CUBN: variants seen among roughly 807,000 people sequenced by gnomAD.
The protein encoded by CUBN is 460 kDa receptor.
A neutral mutation model predicts 405.3 loss-of-function variants in CUBN; 282 were observed. That is an observed-to-expected ratio of 0.70 (90% CI 0.63 to 0.77). CUBN has a LOEUF of 0.77. Ranked by LOEUF, CUBN falls within the 30% of genes least tolerant of loss-of-function variation. The pLI, the probability that CUBN is intolerant of heterozygous loss-of-function variation, is 0.00. For missense variants in CUBN, 4,514 were observed against 4,475.2 expected (o/e 1.01, Z -0.25); for synonymous variants, 1,684 against 1,617.0 (o/e 1.04, Z -0.99).
rs758496803 is a variant in CUBN at position 17,045,140 on chromosome 10, T to C, written c.3539A>G (p.Asn1180Ser). Residue 1180 changes from asparagine (N) to serine (S), a missense_variant, in exon 25 of 67, where the codon AAC becomes AGC. Asn to Ser is a conservative substitution (Grantham distance 46). Coordinates refer to ENST00000377833, the MANE Select transcript of CUBN (RefSeq NM_001081.4). The part of the protein sequence containing the change: ...TTSSGTFISP[N>S]YPMPYYHSSE... ...GCTGTGGTAATAGGGCATCGGGTAG[T>C]TGGGAGATATGAACGTGCCGCTTGA... 2 of 1,613,782 alleles carry C rather than the reference T, an allele frequency of 1.2e-6. No homozygotes were observed. The highest frequency in any genetic ancestry group is 8.5e-7 in the Non-Finnish European group (1 of 1,179,956).
intron 32 of CUBN, among the ~76,000 whole-genome samples, chr10:16,952,706 T>C (rs1033507295): frequency 6.6e-6 from 1 of 152,204 alleles, no homozygotes; most frequent in Non-Finnish European, 1.5e-5. Context: ...TCATAAATCA[T>C]AGGCATAGGG....
At chr10:16,960,229 C>G (rs375342880) in intron 31 of CUBN, among the ~76,000 whole-genome samples, 1 of 152,192 alleles carries the variant, frequency 6.6e-6, no homozygotes, top group Admixed American at 6.5e-5. Flanking sequence ...CAGTGGCTCA[C>G]GCCTGTAATC....
At chr10:16,935,595 A>G (rs1275189641) in intron 39 of CUBN, among the ~76,000 whole-genome samples, 2 of 152,196 alleles carry the variant, frequency 1.3e-5, no homozygotes, top group East Asian at 3.9e-4. Context: ...TGCTGATAGG[A>G]CAGGACGGAT....
At chr10:16,947,459 A>G (rs2131620112) in intron 35 of CUBN, 92 bp from the exon 36 acceptor site, 2 of 1,260,902 alleles carry the variant, frequency 1.6e-6, no homozygotes, top group Middle Eastern at 3.8e-4. Flanking sequence ...GCCATTATCA[A>G]TGTAAAAGAA....
At chr10:17,122,690 CTT>C (rs1217274641) in intron 6 of CUBN, 103 bp downstream of exon 6, 1 of 743,052 alleles carries the variant, frequency 1.3e-6, no homozygotes, top group African/African-American at 1.8e-5. Flanking sequence ...GGAGTACCAA[CTT>C]TTGGTGGAAT....
At chr10:16,937,145 C>T (rs1435449413) in intron 39 of CUBN, among the ~76,000 whole-genome samples, 2 of 152,122 alleles carry the variant, frequency 1.3e-5, no homozygotes, top group Non-Finnish European at 2.9e-5. Flanking sequence ...TACTTTGAAA[C>T]ATGGAAATTT....
At position 16,899,024 on chromosome 10, in the gene CUBN, T is replaced by C; in HGVS notation, c.8570A>G (p.Asp2857Gly). Reference protein sequence around the residue: ...FDNNFLIPSGDGQCQNSFVKV... With the variant: ...FDNNFLIPSGGGQCQNSFVKV... ...CACGAAGCTATTCTGACATTGTCCA[T>C]CACCGCTGGGGATTAGGAAGTTGTT... The change falls in exon 54 of 67, where the codon GAT (aspartate) becomes GGT (glycine). Residue 2857 changes from aspartate to glycine, a missense_variant. Asp to Gly is a moderately conservative substitution (Grantham distance 94). Around this residue, in one of 5 missense-constraint regions of CUBN, gnomAD observed 1,186 missense variants for 1,186.9 expected, o/e 1.00. Transcript: ENST00000377833. 1 of 1,613,496 alleles carries C rather than the reference T, an allele frequency of 6.2e-7. No individual in the cohort carries two copies. The highest frequency in any genetic ancestry group is 8.5e-7 in the Non-Finnish European group (1 of 1,179,398).
chr10:17,118,677 TCCACCCACCTCGG>T (rs1836962374), intron 6 of CUBN, among the ~76,000 whole-genome samples: 1 of 152,186 alleles, frequency 6.6e-6, no homozygotes, highest in Non-Finnish European at 1.5e-5. Flanking sequence ...CATCAGGTGA[TCCACCCACCTCGG>T]CCTCCCAAAA....
chr10:16,980,904 AAC>A (rs202134741), intron 31 of CUBN, among the ~76,000 whole-genome samples: 12 of 143,796 alleles, frequency 8.3e-5, no homozygotes, highest in South Asian at 4.4e-4. Flanking sequence ...AGAAAAAAAA[AAC>A]CCTTCAAAAT....
chr10:17,038,861 G>T (rs900773593), intron 27 of CUBN, among the ~76,000 whole-genome samples: 2 of 152,052 alleles, frequency 1.3e-5, no homozygotes, highest in Non-Finnish European at 2.9e-5. Context: ...TTCTCATTTT[G>T]TATTTTTGCT....
chr10:16,843,128 C>T (rs1564381061), intron 60 of CUBN, among the ~76,000 whole-genome samples: 4 of 152,218 alleles, frequency 2.6e-5, no homozygotes, highest in African/African-American at 9.6e-5. Flanking sequence ...GAGACAGAGA[C>T]TCTGTCTGAC....
At chr10:17,099,944 G>A (rs574153014) in intron 14 of CUBN, 61 bp downstream of exon 14, 1 of 1,059,288 alleles carries the variant, frequency 9.4e-7, no homozygotes. Flanking sequence ...GTCTAACACT[G>A]ATTAAGAACA....
intron 8 of CUBN, among the ~76,000 whole-genome samples, chr10:17,111,373 AT>A (rs1836768310): frequency 6.6e-6 from 1 of 152,124 alleles, no homozygotes; most frequent in African/African-American, 2.4e-5. Flanking sequence ...AACTCAGCCT[AT>A]TGTGATAAAA....
chr10:17,103,132 A>G lies in CUBN; in HGVS notation c.1523T>C (p.Met508Thr), dbSNP rs140039617. 7 of 1,602,830 alleles carry G rather than the reference A, an allele frequency of 4.4e-6. No homozygotes were observed. Among genetic ancestry groups the G allele is most frequent in the Non-Finnish European group, 6.0e-6 (7 of 1,169,940 alleles). The change falls in exon 13 of 67, where the codon ATG becomes ACG. Residue 508 changes from methionine to threonine, a missense_variant. Physicochemically the swap from Met to Thr is moderately conservative, Grantham distance 81 (BLOSUM62 -1). Around this residue, in one of 5 missense-constraint regions of CUBN, gnomAD observed 1,448 missense variants for 1,388.0 expected, o/e 1.04. Transcript: ENST00000377833. The part of the protein sequence containing the change: ...VNCFWVIKTE[M>T]GKVLRITFTF... ...AAGAGTTACTACATTTACCTTTCCCATTTCAGTTTTGATAACCCAGAAGCA... is the reference window on the plus strand; with the variant it reads ...AAGAGTTACTACATTTACCTTTCCCGTTTCAGTTTTGATAACCCAGAAGCA...
intron 17 of CUBN, among the ~76,000 whole-genome samples, chr10:17,074,267 A>G (rs12573224): frequency 0.064 from 9,737 of 152,186 alleles, 461 homozygotes; most frequent in East Asian, 0.19. Context: ...TACCTAACCA[A>G]TGGTTCTCAG....
chr10:17,025,790 A>G (rs1332025763), intron 27 of CUBN, among the ~76,000 whole-genome samples: 1 of 152,122 alleles, frequency 6.6e-6, no homozygotes, highest in Non-Finnish European at 1.5e-5. Flanking sequence ...TGCTATGACA[A>G]CTTGGGCATT....
At chr10:17,078,087 A>G (rs1010285353) in intron 17 of CUBN, among the ~76,000 whole-genome samples, 2 of 151,968 alleles carry the variant, frequency 1.3e-5, no homozygotes, top group African/African-American at 2.4e-5. Flanking sequence ...CATCATCATC[A>G]TCGTCATTAT....
chr10:16,849,499 TTGTC>T (rs1839617216), intron 60 of CUBN, among the ~76,000 whole-genome samples: 2 of 152,302 alleles, frequency 1.3e-5, no homozygotes, highest in South Asian at 4.1e-4. Flanking sequence ...GCAGTCTCAC[TTGTC>T]TGTCTTGCTC....
intron 38 of CUBN, among the ~76,000 whole-genome samples, chr10:16,938,162 A>C (rs1335508374): frequency 2.0e-5 from 3 of 152,132 alleles, no homozygotes; most frequent in Non-Finnish European, 4.4e-5. Context: ...GAAAGAAGGG[A>C]AAATAACAAG....
Sources: gnomAD v4.1 joint callset for allele counts (sites outside exome capture counted in the v4.1 genomes callset) on GRCh38, gnomAD v4.1.1 for gene constraint, gnomAD v4.1.1 regional missense constraint, MANE v1.5 for transcripts, NCBI Gene and HGNC (gene_info 2026-07-23, HGNC 2026-07-21) for gene names.